LRCH4: variants seen among roughly 807,000 people sequenced by gnomAD.
LRCH4 encodes the protein leucine rich repeats and calponin homology domain containing 4.
Under a neutral mutation model 81.2 loss-of-function variants are expected in LRCH4, and 56 were observed. That is an observed-to-expected ratio of 0.69 (90% CI 0.56 to 0.86). The LOEUF (loss-of-function observed/expected upper bound fraction) is 0.86. Ranked by LOEUF, LRCH4 falls within the 40% of genes least tolerant of loss-of-function variation. The pLI, the probability that LRCH4 is intolerant of heterozygous loss-of-function variation, is 0.00. For synonymous variants in LRCH4, 442 were observed against 409.7 expected, an observed-to-expected ratio of 1.08 and a Z score of -0.95; for missense variants, 895 against 922.8, an observed-to-expected ratio of 0.97 and a Z score of 0.39.
intron 15 of LRCH4, 108 bp downstream of exon 15, chr7:100,576,130 G>A: frequency 6.8e-7 from 1 of 1,474,394 alleles, no homozygotes; most frequent in South Asian, 1.2e-5. Context: ...CTCAGGGGAG[G>A]TGCCAGAGTG....
At position 100,577,757 on chromosome 7, in the gene LRCH4, G is replaced by C; in HGVS notation, c.1040-17C>G. 6.2e-7 allele frequency: 1 copy of C among 1,614,050 alleles called. No individual in the cohort carries two copies. The highest frequency in any genetic ancestry group is 1.7e-5 in the Admixed American group (1 of 60,032). On this transcript the variant is annotated splice_polypyrimidine_tract_variant and intron_variant, in intron 8 of 17. Transcript: ENST00000310300. The surrounding 1 kb of genome is among the most constrained non-coding windows in gnomAD (Gnocchi z 6.7). ...CTCCGTCCGCTGGGGAGGCCAGCAT[G>C]TCAGCAAGTGAGCGGGGACCCAGGC...
At chr7:100,584,067 C>T in intron 1 of LRCH4, 2 of 448,302 alleles carry the variant, frequency 4.5e-6, no homozygotes, top group Middle Eastern at 3.6e-4. Context: ...GATCAGGGAC[C>T]CAAGACTAGG....
Position 100,582,401 on chromosome 7 carries a change from CA to C in LRCH4, c.278del (p.Leu93ArgfsTer4). ...VPEAACQLVS[L>X]EGLSLYHNCL... ...AATTGTGGTAGAGGCTCAGGCCCTC[CA>C]GGGACACCAGCTGGCACGCCGCCTC... On this transcript the variant is annotated frameshift_variant, in exon 2 of 18. Transcript: ENST00000310300. LOFTEE classifies it high-confidence loss of function. This position sits in a 1 kb window ranked among gnomAD's most constrained non-coding sequence, Gnocchi z 5.0. The C allele has an allele frequency of 6.2e-7, 1 of 1,613,824 alleles. No individual in the cohort carries two copies. Among genetic ancestry groups the C allele is most frequent in the Non-Finnish European group, 8.5e-7 (1 of 1,180,006 alleles).
chr7:100,582,197 C>T lies in LRCH4; in HGVS notation c.366-30G>A, dbSNP rs1256398822. ...GGAAGGGAGAAAGGCAGCGGACTGG[C>T]TCCCCAGGCATGGCATCCCAGCACT... On this transcript the variant is annotated intron_variant, in intron 2 of 17. Coordinates refer to ENST00000310300, the MANE Select transcript of LRCH4 (RefSeq NM_002319.5). This position sits in a 1 kb window ranked among gnomAD's most constrained non-coding sequence, Gnocchi z 5.0. The T allele has an allele frequency of 6.2e-7, 1 of 1,613,526 alleles. No individual in the cohort carries two copies.
chr7:100,575,207 G>T lies in LRCH4; in HGVS notation c.1952C>A (p.Pro651Gln). The T allele has an allele frequency of 6.2e-7, 1 of 1,611,602 alleles. No individual in the cohort carries two copies. Among genetic ancestry groups the T allele is most frequent in the Non-Finnish European group, 8.5e-7 (1 of 1,178,938 alleles). The change falls in exon 18 of 18, where the codon CCG (proline) becomes CAG (glutamine). Residue 651 changes from proline (P) to glutamine (Q), a missense_variant. Physicochemically the swap from Pro to Gln is moderately conservative, Grantham distance 76. Around this residue, in one of 3 missense-constraint regions of LRCH4, gnomAD observed 529 missense variants for 504.9 expected, o/e 1.05. Transcript: ENST00000310300. This position sits in a 1 kb window ranked among gnomAD's most constrained non-coding sequence, Gnocchi z 5.3. ...AVKRVGGKAL[P>Q]PLWPPSGLGG... ...CAGACCAGAGGGGGGCCAGAGGGGCGGTAGGGCCTTGCCCCCCACCCGCTT... is the reference window on the plus strand; with the variant it reads ...CAGACCAGAGGGGGGCCAGAGGGGCTGTAGGGCCTTGCCCCCCACCCGCTT...
rs574181583 is a variant in LRCH4, at chr7:100,579,206, C to T, written c.599-420G>A. ...CTGCAGATGTTGAGCGGATTGTGGC[C>T]GCCCGGGAGTCCCCTTTCCCCAGCA... On this transcript the variant is annotated intron_variant, in intron 4 of 17. Coordinates refer to ENST00000310300, the MANE Select transcript of LRCH4 (RefSeq NM_002319.5). 41 of 199,080 alleles carry T rather than the reference C, an allele frequency of 2.1e-4. 1 individual carries two copies. The highest frequency in any genetic ancestry group is 1.4e-3 in the Admixed American group (26 of 18,794). 12.3% of individuals were successfully genotyped at this position (199,080 alleles called of 1,614,324 possible).
intron 1 of LRCH4, 84 bp downstream of exon 1, chr7:100,585,797 G>T: frequency 7.2e-7 from 1 of 1,393,330 alleles, no homozygotes; most frequent in Non-Finnish European, 9.5e-7. Flanking sequence ...GAAGGGGCGG[G>T]CCCGACTCCC....
intron 4 of LRCH4, 172 bp downstream of exon 4, chr7:100,581,605 C>T: frequency 1.7e-6 from 1 of 594,648 alleles, no homozygotes; most frequent in South Asian, 2.1e-5. Context: ...AAGCACCCTG[C>T]CAGAAGCTGA....
Position 100,575,676 on chromosome 7 carries a change from C to T in LRCH4, c.1854+29G>A. 3 of 1,612,890 alleles carry T rather than the reference C, an allele frequency of 1.9e-6. No individual in the cohort carries two copies. The highest frequency in any genetic ancestry group is 1.7e-6 in the Non-Finnish European group (2 of 1,178,844). ...ACATGCTCGGCTGAGTCCGGCATGCCACCACTCTTTAGAAAGCAGCCCCCA... is the reference window on the plus strand; with the variant it reads ...ACATGCTCGGCTGAGTCCGGCATGCTACCACTCTTTAGAAAGCAGCCCCCA... On this transcript the variant is annotated intron_variant, in intron 17 of 17. Coordinates refer to ENST00000310300, the MANE Select transcript of LRCH4 (RefSeq NM_002319.5). The surrounding 1 kb of genome is among the most constrained non-coding windows in gnomAD (Gnocchi z 5.3).
At position 100,576,012 on chromosome 7, in the gene LRCH4, G is replaced by A. The variant is rs754073406; in HGVS notation, c.1639-4C>T. Reference sequence around the variant, plus strand: ...GCTGCAGCCGGGACTCAAGGACCTGGCAGTGTAGACCACATAGAGCAGGGG... The same window carrying A: ...GCTGCAGCCGGGACTCAAGGACCTGACAGTGTAGACCACATAGAGCAGGGG... On this transcript the variant is annotated splice_polypyrimidine_tract_variant and splice_region_variant and intron_variant, in intron 15 of 17. Coordinates refer to ENST00000310300, the MANE Select transcript of LRCH4 (RefSeq NM_002319.5). The A allele has an allele frequency of 4.2e-5, 67 of 1,601,850 alleles. No homozygotes were observed. The highest frequency in any genetic ancestry group is 4.2e-6 in the Non-Finnish European group (5 of 1,178,258).
chr7:100,576,184 A>T, intron 15 of LRCH4, 54 bp downstream of exon 15: 3 of 1,576,250 alleles, frequency 1.9e-6, no homozygotes, highest in Admixed American at 3.4e-5. Context: ...GGACAGCAAC[A>T]CAAGGAGGTG....
rs772522033 is a variant in LRCH4, at chr7:100,578,354, G to A, written c.848+45C>T. On this transcript the variant is annotated intron_variant, in intron 6 of 17. Coordinates refer to ENST00000310300, the MANE Select transcript of LRCH4 (RefSeq NM_002319.5). The surrounding 1 kb of genome is among the most constrained non-coding windows in gnomAD (Gnocchi z 5.7). ...AGGGGGTGCCTGGGGCCGGGAAGGG[G>A]CATTCAGTATCCCAGGGCTTCCTTC... 3.1e-6 allele frequency: 5 copies of A among 1,600,386 alleles called. No homozygotes were observed. Among genetic ancestry groups the A allele is most frequent in the Admixed American group, 3.3e-5 (2 of 59,900 alleles).
At chr7:100,584,434 G>T (rs1424344080) in intron 1 of LRCH4, among the ~76,000 whole-genome samples, 1 of 151,966 alleles carries the variant, frequency 6.6e-6, no homozygotes, top group Non-Finnish European at 1.5e-5. Context: ...GGGGCCGGGG[G>T]CGGGAGCTGG....
In LRCH4 at chr7:100,578,673, G is replaced by T. The variant is rs1402336680; in HGVS notation, c.712C>A (p.Pro238Thr). ...ACCTGGGCAGGTGGACTCTGCAGAG[G>T]GTTGCTGTCCAGCAGAATGACCTGC... ...HLQVILLDSN[P>T]LQSPPAQVCL... The change falls in exon 5 of 18, where the codon CCT becomes ACT. Residue 238 changes from proline to threonine, a missense_variant. Transcript: ENST00000310300. The surrounding 1 kb of genome is among the most constrained non-coding windows in gnomAD (Gnocchi z 5.7). The T allele has an allele frequency of 6.2e-7, 1 of 1,614,040 alleles. No homozygotes were observed. The highest frequency in any genetic ancestry group is 8.5e-7 in the Non-Finnish European group (1 of 1,180,018).
chr7:100,577,993 AGCTCAGGGTCTCT>A lies in LRCH4; in HGVS notation c.949-94_949-82del. On this transcript the variant is annotated intron_variant, in intron 7 of 17. Coordinates refer to ENST00000310300, the MANE Select transcript of LRCH4 (RefSeq NM_002319.5). The surrounding 1 kb of genome is among the most constrained non-coding windows in gnomAD (Gnocchi z 6.7). Reference sequence around the variant, plus strand: ...ACCTGGGGGGTCCTGTGTGGGACTAAGCTCAGGGTCTCTGCTGAGCCAGCCCTTCCCTGGGATG... The same window carrying A: ...ACCTGGGGGGTCCTGTGTGGGACTAAGCTGAGCCAGCCCTTCCCTGGGATG... The A allele has an allele frequency of 7.4e-7, 1 of 1,358,624 alleles. No individual in the cohort carries two copies. The highest frequency in any genetic ancestry group is 1.0e-6 in the Non-Finnish European group (1 of 960,676). 84.2% of individuals were successfully genotyped at this position (1,358,624 alleles called of 1,614,324 possible).
In LRCH4 at chr7:100,574,992, G is replaced by T; in HGVS notation, c.*115C>A. 1 of 983,236 alleles carries T rather than the reference G, an allele frequency of 1.0e-6. No individual in the cohort carries two copies. The highest frequency in any genetic ancestry group is 1.7e-5 in the South Asian group (1 of 59,584). 60.9% of individuals were successfully genotyped at this position (983,236 alleles called of 1,614,324 possible). A position where few individuals can be genotyped will look rare whatever the true frequency, so the allele number is the denominator to read the frequency against. ...CCTCTGAGGTCAGTGTCTGTGAAGG[G>T]GGTGCACTAGTGTCTTTGGTTGGGG... On this transcript the variant is annotated 3_prime_UTR_variant, in exon 18 of 18. Transcript: ENST00000310300.
intron 14 of LRCH4, 22 bp downstream of exon 14, chr7:100,576,672 C>T (rs1440619525): frequency 6.4e-7 from 1 of 1,571,894 alleles, no homozygotes. Context: ...TGGGTCAGCA[C>T]TGGGGAGGGC....
intron 1 of LRCH4, chr7:100,585,074 A>T: frequency 3.8e-6 from 1 of 262,916 alleles, no homozygotes; most frequent in South Asian, 3.2e-5. Context: ...GAGGCGTGGA[A>T]GGACAGTCTC....
At position 100,586,044 on chromosome 7, in the gene LRCH4, C is replaced by A. The variant is rs1245828601; in HGVS notation, c.57G>T (p.Thr19=). 1 of 1,586,856 alleles carries A rather than the reference C, an allele frequency of 6.3e-7. No homozygotes were observed. ...GACCTGGAGACCCGGGCACGGAGGT[C>A]GTGGCTGCCGCCTCCTCACCCCCGG... ...LAAGGEEAAA[T]TSVPGSPGLP... is the part of the protein sequence containing the mutation. Residue 19 remains threonine (T), a synonymous_variant, in exon 1 of 18, where the codon ACG becomes ACT. Transcript: ENST00000310300.
Sources: allele counts gnomAD v4.1 joint callset (sites outside exome capture counted in the v4.1 genomes callset), GRCh38; gene constraint gnomAD v4.1.1; regional missense constraint gnomAD v4.1.1; non-coding constraint Gnocchi (gnomAD v3.1); transcripts MANE v1.5; gene names NCBI Gene and HGNC (gene_info 2026-07-23, HGNC 2026-07-21).